ANTXR1: variants seen among roughly 807,000 people sequenced by gnomAD.
ANTXR1 encodes the protein ANTXR cell adhesion molecule 1, also known as anthrax toxin receptor 1.
Under a neutral mutation model 78.1 loss-of-function variants are expected in ANTXR1, and 19 were observed. The ratio of observed to expected loss-of-function variants is 0.24; its 90% confidence interval spans 0.17 to 0.36. The LOEUF (loss-of-function observed/expected upper bound fraction) is 0.36, where lower values mean the gene tolerates loss of function less well. Among genes scored for constraint, ANTXR1 ranks in the 10% least tolerant of loss-of-function variants. ANTXR1 has a pLI of 1.00. For missense variants in ANTXR1, 518 were observed against 718.6 expected (o/e 0.72, Z 3.19); for synonymous variants, 273 against 260.5 (o/e 1.05, Z -0.46).
chr2:69,107,927 G>A (rs1326756869), intron 10 of ANTXR1, among the ~76,000 whole-genome samples: 1 of 152,168 alleles, frequency 6.6e-6, no homozygotes, highest in Admixed American at 6.5e-5. Flanking sequence ...TCACTATGTA[G>A]AGGAATTCAC....
intron 10 of ANTXR1, among the ~76,000 whole-genome samples, chr2:69,112,930 G>T (rs1420237673): frequency 6.6e-6 from 1 of 152,154 alleles, no homozygotes; most frequent in Non-Finnish European, 1.5e-5. Flanking sequence ...AAGGGAAGTC[G>T]CCACCAGAGG....
At chr2:69,244,052 C>T (rs1299844910) in intron 17 of ANTXR1, among the ~76,000 whole-genome samples, 2 of 152,214 alleles carry the variant, frequency 1.3e-5, no homozygotes, top group Non-Finnish European at 2.9e-5. Flanking sequence ...ACCCCTGTCT[C>T]CCCTCCGTTG....
Position 69,096,040 on chromosome 2 carries a change from C to T in ANTXR1, c.703+5121C>T, listed in dbSNP as rs376522983. ...TTGGGAGGCCAAGGCAGGCAGATCACGAGATCAGGAGATCGAGACCATCCT... is the reference window on the plus strand; with the variant it reads ...TTGGGAGGCCAAGGCAGGCAGATCATGAGATCAGGAGATCGAGACCATCCT... On this transcript the variant is annotated intron_variant, in intron 9 of 17. Coordinates refer to ENST00000303714, the MANE Select transcript of ANTXR1 (RefSeq NM_032208.3). Among the ~76,000 whole-genome samples the T allele has an allele frequency of 4.4e-4, 67 of 152,092 alleles. No individual in the cohort carries two copies. In the South Asian group the frequency reaches 4.6e-3, roughly 10 times the overall value.
intron 12 of ANTXR1, 67 bp from the exon 13 acceptor site, chr2:69,152,102 A>T: frequency 1.4e-6 from 2 of 1,453,584 alleles, no homozygotes; most frequent in Non-Finnish European, 1.9e-6. Context: ...CAGTGATGGG[A>T]GTTTGGGGAG....
intron 12 of ANTXR1, among the ~76,000 whole-genome samples, chr2:69,143,264 G>T (rs1378990302): frequency 2.0e-5 from 3 of 152,174 alleles, no homozygotes; most frequent in African/African-American, 7.2e-5. Flanking sequence ...GAAGTAGACA[G>T]GGGCAGATTT....
rs544242141 is a variant in ANTXR1 at position 69,230,854 on chromosome 2, T to C, written c.1435-14371T>C. Among the ~76,000 whole-genome samples the C allele has an allele frequency of 2.0e-5, 3 of 152,336 alleles. No homozygotes were observed. The South Asian group carries it at 6.2e-4, about 32-fold the overall frequency. ...GGGGTACATGTGAAGGTTTGTTACA[T>C]AGGTAAACATGTGTCATGGGGGCTT... On this transcript the variant is annotated intron_variant, in intron 17 of 17. Transcript: ENST00000303714.
At chr2:69,153,200 T>C (rs1673441976) in intron 13 of ANTXR1, among the ~76,000 whole-genome samples, 1 of 152,178 alleles carries the variant, frequency 6.6e-6, no homozygotes, top group African/African-American at 2.4e-5. Context: ...CAATAGACAG[T>C]GAGCCTCTCC....
intron 17 of ANTXR1, among the ~76,000 whole-genome samples, chr2:69,244,207 C>T (rs376947583): frequency 4.6e-5 from 7 of 152,190 alleles, no homozygotes; most frequent in Non-Finnish European, 7.4e-5. Context: ...TGGCTTTGGA[C>T]GCTGACTTTC....
At chr2:69,147,939 AGCATTGG>A (rs1673272981) in intron 12 of ANTXR1, among the ~76,000 whole-genome samples, 1 of 152,178 alleles carries the variant, frequency 6.6e-6, no homozygotes, top group Non-Finnish European at 1.5e-5. Flanking sequence ...TAAGTAAGTT[AGCATTGG>A]ACACAGCCGT....
intron 3 of ANTXR1, among the ~76,000 whole-genome samples, chr2:69,058,908 A>G (rs1428812999): frequency 6.6e-6 from 1 of 152,228 alleles, no homozygotes; most frequent in Non-Finnish European, 1.5e-5. Flanking sequence ...ACTGACTTTG[A>G]GGGGTTCAAG....
At chr2:69,205,288 T>C (rs1373929038) in intron 17 of ANTXR1, among the ~76,000 whole-genome samples, 2 of 152,034 alleles carry the variant, frequency 1.3e-5, no homozygotes, top group Non-Finnish European at 1.5e-5. Flanking sequence ...AGGAACAGCA[T>C]GTGTAAAAGG....
intron 12 of ANTXR1, among the ~76,000 whole-genome samples, chr2:69,132,705 A>G (rs1672788093): frequency 6.6e-6 from 1 of 152,240 alleles, no homozygotes; most frequent in Admixed American, 6.5e-5. Context: ...CAGACAATTC[A>G]TTCCAGTGCT....
At chr2:69,054,946 A>G (rs1264258920) in intron 3 of ANTXR1, among the ~76,000 whole-genome samples, 1 of 152,042 alleles carries the variant, frequency 6.6e-6, no homozygotes, top group African/African-American at 2.4e-5. Context: ...ATTGGGAGAT[A>G]TTATGTGGTC....
intron 17 of ANTXR1, among the ~76,000 whole-genome samples, chr2:69,230,445 G>C (rs779358221): frequency 1.4e-4 from 21 of 152,056 alleles, no homozygotes; most frequent in Non-Finnish European, 3.1e-4. Context: ...GGGTAGACAT[G>C]GAGAGTTAGC....
chr2:69,059,535 A>G (rs1271387235), intron 3 of ANTXR1, among the ~76,000 whole-genome samples: 1 of 151,578 alleles, frequency 6.6e-6, no homozygotes, highest in Non-Finnish European at 1.5e-5. Flanking sequence ...CTGGAGTGCA[A>G]TGGCACGATC....
At position 69,014,065 on chromosome 2, in the gene ANTXR1, G is replaced by A. The variant is rs149041688; in HGVS notation, c.152+414G>A. Reference sequence around the variant, plus strand: ...AGGCTTGGGCATTTTAAAGCCAATCGTCGCATTTTGTTTTTGTTTTTGTTT... The same window carrying A: ...AGGCTTGGGCATTTTAAAGCCAATCATCGCATTTTGTTTTTGTTTTTGTTT... On this transcript the variant is annotated intron_variant, in intron 1 of 17. Coordinates refer to ENST00000303714, the MANE Select transcript of ANTXR1 (RefSeq NM_032208.3). Among the ~76,000 whole-genome samples the A allele has an allele frequency of 4.6e-5, 7 of 152,322 alleles. No homozygotes were observed. The East Asian group carries it at 1.2e-3, about 25-fold the overall frequency.
chr2:69,139,337 C>T (rs569788728), intron 12 of ANTXR1, among the ~76,000 whole-genome samples: 1 of 152,350 alleles, frequency 6.6e-6, no homozygotes, highest in South Asian at 2.1e-4. Flanking sequence ...CACATTGCAG[C>T]ACCTTTGAGA....
chr2:69,200,909 T>A (rs1674758749), intron 17 of ANTXR1, among the ~76,000 whole-genome samples: 1 of 152,124 alleles, frequency 6.6e-6, no homozygotes, highest in African/African-American at 2.4e-5. Context: ...AATTACTAAC[T>A]TTTCCAAGGA....
In ANTXR1 at chr2:69,042,956, G is replaced by T. The variant is rs75505504; in HGVS notation, c.225-1786G>T. Among the ~76,000 whole-genome samples, 349 of 152,220 alleles carry T rather than the reference G, an allele frequency of 2.3e-3. 1 individual carries two copies. The highest frequency in any genetic ancestry group is 7.9e-3 in the African/African-American group (326 of 41,514). ...CCATACTAGTGTTGGTTTTGTATTT[G>T]GCTCACTTCCCTCCTCACTGCTGAC... On this transcript the variant is annotated intron_variant, in intron 2 of 17. Coordinates refer to ENST00000303714, the MANE Select transcript of ANTXR1 (RefSeq NM_032208.3).
Sources: allele counts gnomAD v4.1 joint callset (sites outside exome capture counted in the v4.1 genomes callset), GRCh38; gene constraint gnomAD v4.1.1; transcripts MANE v1.5; gene names NCBI Gene and HGNC (gene_info 2026-07-23, HGNC 2026-07-21).